Variants in MATN1 observed in about 807,000 individuals in gnomAD.
The protein encoded by MATN1 is matrilin 1.
In MATN1, 34 loss-of-function variants were observed where a neutral mutation model predicts 41.3. The ratio of observed to expected loss-of-function variants is 0.82; its 90% confidence interval spans 0.63 to 1.10. The LOEUF (loss-of-function observed/expected upper bound fraction) is 1.10. Among genes scored for constraint, MATN1 ranks in the 50% least tolerant of loss-of-function variants. The pLI is 0.00. For missense variants in MATN1, 602 were observed against 662.4 expected, an observed-to-expected ratio of 0.91 and a Z score of 1.00; for synonymous variants, 264 against 278.7, an observed-to-expected ratio of 0.95 and a Z score of 0.53.
Position 30,715,114 on chromosome 1 carries a change from C to T in MATN1, c.1360+43G>A, listed in dbSNP as rs1275388683. 1.9e-6 allele frequency: 3 copies of T among 1,606,888 alleles called. No homozygotes were observed. The African/African-American group carries it at 4.0e-5, about 21-fold the overall frequency. ...CAGGATGGCTCCACCTCCACAGTGC[C>T]CCACCTGCAAATCCCATCAATGCCA... is the stretch of plus-strand genomic sequence containing the variant. On this transcript the variant is annotated intron_variant, in intron 6 of 7. Transcript: ENST00000373765.
In MATN1 at chr1:30,715,789, T is replaced by C; in HGVS notation, c.1207+120A>G. 5.8e-6 allele frequency: 6 copies of C among 1,033,032 alleles called. No homozygotes were observed. In the Middle Eastern group the frequency reaches 1.3e-3, roughly 223 times the overall value. 64.0% of individuals were successfully genotyped at this position (1,033,032 alleles called of 1,614,324 possible). A position where few individuals can be genotyped will look rare whatever the true frequency, so the allele number is the denominator to read the frequency against. ...AATTGGACTAACCAATCCTCCTCAT[T>C]CAAACTCACCTGGGTTTAGGGCACT... is the stretch of plus-strand genomic sequence containing the variant. On this transcript the variant is annotated intron_variant, in intron 5 of 7. Coordinates refer to ENST00000373765, the MANE Select transcript of MATN1 (RefSeq NM_002379.3).
intron 2 of MATN1, chr1:30,720,886 T>C (rs1639686937): frequency 6.5e-6 from 1 of 153,302 alleles, no homozygotes; most frequent in Non-Finnish European, 1.5e-5. Flanking sequence ...AAATTAAAAA[T>C]TATCAAATGC....
Position 30,716,059 on chromosome 1 carries a change from T to C in MATN1, c.1057A>G (p.Met353Val). ...AGGTACTTGAGAGCAGCCCCAGTCATTGTGCCCTTCTCCATGTAGGACATA... is the reference window on the plus strand; with the variant it reads ...AGGTACTTGAGAGCAGCCCCAGTCACTGTGCCCTTCTCCATGTAGGACATA... ...RNMSYMEKGT[M>V]TGAALKYLID... Residue 353 changes from methionine (M) to valine (V), a missense_variant, in exon 5 of 8, where the codon ATG becomes GTG. Transcript: ENST00000373765. The C allele has an allele frequency of 1.2e-6, 2 of 1,614,232 alleles. No individual in the cohort carries two copies. Among genetic ancestry groups the C allele is most frequent in the Non-Finnish European group, 1.7e-6 (2 of 1,180,032 alleles).
Position 30,718,810 on chromosome 1 carries a change from C to T in MATN1, c.589G>A (p.Asp197Asn), listed in dbSNP as rs377571646. ...TLRQIASEPQ[D>N]EHVDYVESYS... The stretch of plus-strand genomic sequence containing the variant: ...CTCTCCACGTAATCGACGTGTTCGT[C>T]CTGCGGCTCGCTGGCGATCTGCCGC... The change falls in exon 3 of 8, where the codon GAC (aspartate) becomes AAC (asparagine). Residue 197 changes from aspartate to asparagine, a missense_variant. Coordinates refer to ENST00000373765, the MANE Select transcript of MATN1 (RefSeq NM_002379.3). The T allele has an allele frequency of 6.3e-5, 101 of 1,610,374 alleles. No individual in the cohort carries two copies. In the African/African-American group the frequency reaches 1.3e-3, roughly 20 times the overall value.
At chr1:30,718,681 C>T in intron 3 of MATN1, 54 bp downstream of exon 3, 3 of 1,390,954 alleles carry the variant, frequency 2.2e-6, no homozygotes. Context: ...CCCCGCCCCG[C>T]CGCTCTCCCC....
chr1:30,719,097 G>A, intron 2 of MATN1, 140 bp from the exon 3 acceptor site: 1 of 608,302 alleles, frequency 1.6e-6, no homozygotes, highest in Non-Finnish European at 2.7e-6. Flanking sequence ...GACCCGGCTG[G>A]CCGAAGAGGA....
intron 5 of MATN1, among the ~76,000 whole-genome samples, chr1:30,715,618 TG>T (rs1326680523): frequency 5.9e-5 from 9 of 152,230 alleles, no homozygotes; most frequent in African/African-American, 2.2e-4. Flanking sequence ...GACTCGGGCT[TG>T]TTCCAAAGTA....
In MATN1 at chr1:30,716,805, C is replaced by T. The variant is rs749588810; in HGVS notation, c.775G>A (p.Gly259Ser). Residue 259 changes from glycine (G) to serine (S), a missense_variant, in exon 4 of 8, where the codon GGC (glycine) becomes AGC (serine). Transcript: ENST00000373765. ...CCCCACTGACCATTGCAGGTCTTGC[C>T]GTCGCTGTTCAGAGTGAAGCCCTCG... is the stretch of plus-strand genomic sequence containing the variant. ...CHEGFTLNSDGKTCNVCSGGG... is the reference protein window; with the variant it reads ...CHEGFTLNSDSKTCNVCSGGG... 4.3e-6 allele frequency: 7 copies of T among 1,613,816 alleles called. No individual in the cohort carries two copies. In the East Asian group the frequency reaches 6.7e-5, roughly 15 times the overall value.
intron 1 of MATN1, among the ~76,000 whole-genome samples, chr1:30,722,505 G>A (rs1211070397): frequency 6.6e-6 from 1 of 152,230 alleles, no homozygotes; most frequent in Non-Finnish European, 1.5e-5. Context: ...AGTGAGTTCA[G>A]GCCTGGGTTC....
At position 30,715,185 on chromosome 1, in the gene MATN1, G is replaced by A; in HGVS notation, c.1332C>T (p.Gly444=). Residue 444 remains glycine (G), a synonymous_variant, in exon 6 of 8, where the codon GGC becomes GGT. Transcript: ENST00000373765. Reference sequence around the variant, plus strand: ...CACAGATCTTCTTCTGCAACTTCTTGCCTATCTGGTTGATGGTCTTGAAGT... The same window carrying A: ...CACAGATCTTCTTCTGCAACTTCTTACCTATCTGGTTGATGGTCTTGAAGT... The part of the protein sequence containing the change: ...TADFKTINQI[G]KKLQKKICVE... 1.2e-6 allele frequency: 2 copies of A among 1,614,180 alleles called. No homozygotes were observed. The highest frequency in any genetic ancestry group is 8.5e-7 in the Non-Finnish European group (1 of 1,180,038).
At chr1:30,718,392 T>TCC in intron 3 of MATN1, 1 of 220,566 alleles carries the variant, frequency 4.5e-6, no homozygotes, top group Non-Finnish European at 8.7e-6. Context: ...ACTGACTGTC[T>TCC]CCGTCTTCGC....
intron 7 of MATN1, 147 bp from the exon 8 acceptor site, chr1:30,713,778 G>C (rs1444411545): frequency 1.4e-6 from 1 of 697,316 alleles, no homozygotes; most frequent in Non-Finnish European, 2.6e-6. Flanking sequence ...TCAGAATGGT[G>C]CTTTCCAAAA....
In MATN1 at chr1:30,721,755, G is replaced by A. The variant is rs1639698880; in HGVS notation, c.95-4C>T. 1 of 1,604,620 alleles carries A rather than the reference G, an allele frequency of 6.2e-7. No homozygotes were observed. The highest frequency in any genetic ancestry group is 1.7e-5 in the Admixed American group (1 of 59,950). ...GGCCGCGTCCGGCAGAGATGGCCTGGGAGTGGGGCAGGAGGGGTAAGGCAG... is the reference window on the plus strand; with the variant it reads ...GGCCGCGTCCGGCAGAGATGGCCTGAGAGTGGGGCAGGAGGGGTAAGGCAG... On this transcript the variant is annotated splice_polypyrimidine_tract_variant and splice_region_variant and intron_variant, in intron 1 of 7. Transcript: ENST00000373765.
Position 30,714,240 on chromosome 1 carries a change from G to A in MATN1, c.1441+7C>T, listed in dbSNP as rs1166749868. On this transcript the variant is annotated splice_region_variant and intron_variant, in intron 7 of 7. Coordinates refer to ENST00000373765, the MANE Select transcript of MATN1 (RefSeq NM_002379.3). ...CCCCAGCCCCAGCCCCCTCTGGGAA[G>A]GGATATGTTTCCTGGTCAGGGCCTG... The A allele has an allele frequency of 6.3e-7, 1 of 1,597,804 alleles. No individual in the cohort carries two copies. The highest frequency in any genetic ancestry group is 1.7e-5 in the Admixed American group (1 of 57,934).
rs752750151 is a variant in MATN1 at position 30,718,838 on chromosome 1, C to G, written c.561G>C (p.Thr187=). 49 of 1,609,224 alleles carry G rather than the reference C, an allele frequency of 3.0e-5. No individual in the cohort carries two copies. Among genetic ancestry groups the G allele is most frequent in the Non-Finnish European group, 3.8e-5 (45 of 1,178,924 alleles). ...GCGGCTCGCTGGCGATCTGCCGCAG[C>G]GTGGCCTTGTCCACGCTGCCCACTC... ...AIGVGSVDKA[T]LRQIASEPQD... The change falls in exon 3 of 8, where the codon ACG becomes ACC. Residue 187 remains threonine (T), a synonymous_variant. Transcript: ENST00000373765.
Position 30,716,857 on chromosome 1 carries a change from G to A in MATN1, c.723C>T (p.Ser241=), listed in dbSNP as rs903455495. The A allele has an allele frequency of 5.0e-6, 8 of 1,613,806 alleles. No individual in the cohort carries two copies. In the African/African-American group the frequency reaches 5.3e-5, roughly 11 times the overall value. ...GGCAGGCGCAGGTGTAGGAACCGGG[G>A]GAGCTGATGCACACCTGCTCACAGT... is the stretch of plus-strand genomic sequence containing the variant. ...DHDCEQVCIS[S]PGSYTCACHE... The change falls in exon 4 of 8, where the codon TCC becomes TCT. Residue 241 remains serine, a synonymous_variant. Coordinates refer to ENST00000373765, the MANE Select transcript of MATN1 (RefSeq NM_002379.3).
Position 30,715,156 on chromosome 1 carries a change from C to T in MATN1, c.1360+1G>A. The T allele has an allele frequency of 6.2e-7, 1 of 1,614,098 alleles. No individual in the cohort carries two copies. The highest frequency in any genetic ancestry group is 8.5e-7 in the Non-Finnish European group (1 of 1,179,962). On this transcript the variant is annotated splice_donor_variant, in intron 6 of 7. Transcript: ENST00000373765. LOFTEE classifies it high-confidence loss of function. ...TCAATGCCAGCCCTGGCCTCACTCA[C>T]CCACACAGATCTTCTTCTGCAACTT...
chr1:30,714,226 G>T, intron 7 of MATN1, 21 bp downstream of exon 7: 1 of 1,481,526 alleles, frequency 6.7e-7, no homozygotes, highest in Non-Finnish European at 9.2e-7. Flanking sequence ...CCCAGCCCCA[G>T]CCCCCTCTGG....
At chr1:30,718,052 T>G (rs1300500698) in intron 3 of MATN1, among the ~76,000 whole-genome samples, 1 of 151,924 alleles carries the variant, frequency 6.6e-6, no homozygotes, top group Admixed American at 6.6e-5. Flanking sequence ...GCCCCACCCC[T>G]GGTGCTGGCA....
Sources: allele counts gnomAD v4.1 joint callset (sites outside exome capture counted in the v4.1 genomes callset), GRCh38; gene constraint gnomAD v4.1.1; transcripts MANE v1.5; gene names NCBI Gene and HGNC (gene_info 2026-07-23, HGNC 2026-07-21).